The following NEBL variants were observed in gnomAD, a reference collection of about 807,000 sequenced individuals.
NEBL encodes LIM and SH3 protein 2.
NEBL carries 122 observed loss-of-function variants against 140.2 expected under a neutral mutation model. The ratio of observed to expected loss-of-function variants is 0.87; its 90% CI spans 0.75 to 1.01. The LOEUF (loss-of-function observed/expected upper bound fraction) is 1.01. Ranked by LOEUF, NEBL falls within the 50% of genes least tolerant of loss-of-function variation. The pLI, the probability that NEBL is intolerant of heterozygous loss-of-function variation, is 0.00. For missense variants in NEBL, 1,365 were observed against 1,231.3 expected, an observed-to-expected ratio of 1.11 and a Z score of -1.62; for synonymous variants, 436 against 398.9, an observed-to-expected ratio of 1.09 and a Z score of -1.11.
At chr10:20,947,708 C>G (rs1835248244) in intron 4 of NEBL, among the ~76,000 whole-genome samples, 1 of 151,876 alleles carries the variant, frequency 6.6e-6, no homozygotes, top group Non-Finnish European at 1.5e-5. Flanking sequence ...CACACACACA[C>G]ACACACACAG....
chr10:21,221,435 G>A (rs1842065611), intron 3 of NEBL, among the ~76,000 whole-genome samples: 1 of 152,144 alleles, frequency 6.6e-6, no homozygotes, highest in Non-Finnish European at 1.5e-5. Flanking sequence ...ACGTAAGTCA[G>A]CCTTCATCTT....
At chr10:21,089,135 T>A (rs577589903) in intron 2 of NEBL, among the ~76,000 whole-genome samples, 2 of 152,094 alleles carry the variant, frequency 1.3e-5, no homozygotes, top group South Asian at 4.2e-4. Flanking sequence ...GAAGAAGCAG[T>A]GAAAGAGGAC....
intron 5 of NEBL, among the ~76,000 whole-genome samples, chr10:20,874,860 C>T (rs915673832): frequency 6.6e-6 from 1 of 152,132 alleles, no homozygotes; most frequent in African/African-American, 2.4e-5. Context: ...CTGTCTTAGC[C>T]TCCTGAGTAG....
chr10:20,804,718 T>C (rs1837446877), intron 26 of NEBL: 1 of 152,102 alleles, frequency 6.6e-6, no homozygotes, highest in African/African-American at 2.4e-5. Context: ...GGACCAGAAA[T>C]GGTGAGAGTG....
At position 20,979,815 on chromosome 10, in the gene NEBL, T is replaced by G. The variant is rs1311839823; in HGVS notation, c.250-18036A>C. 2.0e-5 allele frequency among the ~76,000 whole-genome samples: 3 copies of G among 152,114 alleles called. No homozygotes were observed. In the South Asian group the frequency reaches 6.2e-4, roughly 31 times the overall value. ...TCTAACTCTTGTGCTCAAGCAATCC[T>G]CCTACCTCAGCCTCCTGAGTAGCTG... is the stretch of plus-strand genomic sequence containing the variant. On this transcript the variant is annotated intron_variant, in intron 3 of 6. Coordinates refer to the NEBL transcript ENST00000417816.
intron 3 of NEBL, among the ~76,000 whole-genome samples, chr10:21,184,936 A>G (rs1246226113): frequency 6.6e-6 from 1 of 152,104 alleles, no homozygotes; most frequent in East Asian, 1.9e-4. Flanking sequence ...TGTTTTCCAA[A>G]TTTTCTACAA....
At chr10:21,132,526 T>C (rs997729720) in intron 2 of NEBL, among the ~76,000 whole-genome samples, 33 of 152,322 alleles carry the variant, frequency 2.2e-4, no homozygotes, top group Admixed American at 1.0e-3. Flanking sequence ...CTGGATCATA[T>C]GGTAATTCTT....
At chr10:21,063,719 C>G (rs1835400356) in intron 2 of NEBL, among the ~76,000 whole-genome samples, 1 of 151,954 alleles carries the variant, frequency 6.6e-6, no homozygotes, top group Non-Finnish European at 1.5e-5. Context: ...CATGGTGAAA[C>G]CCCAGTTCTA....
At chr10:21,269,328 T>C (rs1163777101) in intron 1 of NEBL, among the ~76,000 whole-genome samples, 1 of 152,158 alleles carries the variant, frequency 6.6e-6, no homozygotes. Context: ...AGAGTGCAAA[T>C]GAACATGCCT....
intron 3 of NEBL, among the ~76,000 whole-genome samples, chr10:20,975,560 C>T (rs1285996923): frequency 2.0e-5 from 3 of 152,032 alleles, no homozygotes; most frequent in Admixed American, 2.0e-4. Flanking sequence ...TAAACTCAAA[C>T]AAAACTACCC....
intron 3 of NEBL, among the ~76,000 whole-genome samples, chr10:21,212,630 C>G (rs2132236691): frequency 6.6e-6 from 1 of 152,280 alleles, no homozygotes. Context: ...GTTGGATGAC[C>G]AGGGACATCT....
intron 20 of NEBL, 131 bp from the exon 21 acceptor site, chr10:20,817,823 C>T (rs192271876): frequency 1.0e-3 from 777 of 762,032 alleles, no homozygotes; most frequent in Non-Finnish European, 1.5e-3. Context: ...TCAACCTTCA[C>T]GCTTACATAT....
At position 20,897,247 on chromosome 10, in the gene NEBL, G is replaced by A. The variant is rs1247464168; in HGVS notation, c.-42C>T. ...ATTTATATTTTTAAAATTTACTCAT[G>A]TGGCGTCCTTTTCCATACCACAGTG... On this transcript the variant is annotated 5_prime_UTR_variant, in exon 1 of 28. Transcript: ENST00000377122. 6.5e-7 allele frequency: 1 copy of A among 1,534,894 alleles called. No individual in the cohort carries two copies. The highest frequency in any genetic ancestry group is 1.2e-5 in the South Asian group (1 of 81,240).
chr10:21,167,425 A>G (rs1840825910), intron 2 of NEBL, among the ~76,000 whole-genome samples: 1 of 152,230 alleles, frequency 6.6e-6, no homozygotes, highest in Non-Finnish European at 1.5e-5. Flanking sequence ...TCTGTGAATA[A>G]TGTTCAGCCG....
At position 21,235,297 on chromosome 10, in the gene NEBL, T is replaced by TA. The variant is rs201546139; in HGVS notation, n.348+12623dup. Among the ~76,000 whole-genome samples the TA allele has an allele frequency of 4.3e-4, 65 of 150,986 alleles. 1 individual carries two copies. In the East Asian group the frequency reaches 7.4e-3, roughly 17 times the overall value. On this transcript the variant is annotated intron_variant and non_coding_transcript_variant, in intron 3 of 8. Transcript: ENST00000675702. ...GATGACAGAGTGAGACCCTATCTCT[T>TA]AAAAAAAAATCCAAATGTTAAAAAA... is the stretch of plus-strand genomic sequence containing the variant.
chr10:21,076,871 A>G (rs1036084147), intron 2 of NEBL, among the ~76,000 whole-genome samples: 1 of 152,184 alleles, frequency 6.6e-6, no homozygotes, highest in Non-Finnish European at 1.5e-5. Context: ...AAGAAGATAG[A>G]CAAATGGCCA....
chr10:20,875,677 A>T (rs1258756166), intron 5 of NEBL, among the ~76,000 whole-genome samples: 1 of 152,124 alleles, frequency 6.6e-6, no homozygotes, highest in Non-Finnish European at 1.5e-5. Context: ...TGGAGATGAG[A>T]AGATTGAGAC....
intron 12 of NEBL, among the ~76,000 whole-genome samples, chr10:20,842,068 A>G (rs770997033): frequency 6.6e-6 from 1 of 152,106 alleles, no homozygotes; most frequent in Non-Finnish European, 1.5e-5. Flanking sequence ...TTAACTTGCC[A>G]GATGAAAGAT....
At chr10:21,053,061 TG>T (rs1247258398) in intron 2 of NEBL, among the ~76,000 whole-genome samples, 2 of 152,190 alleles carry the variant, frequency 1.3e-5, no homozygotes, top group Non-Finnish European at 2.9e-5. Context: ...CCTAATGCCT[TG>T]ATTTGATCAC....
Sources: gnomAD v4.1 joint callset for allele counts (sites outside exome capture counted in the v4.1 genomes callset) on GRCh38, gnomAD v4.1.1 for gene constraint, MANE v1.5 for transcripts, NCBI Gene and HGNC (gene_info 2026-07-23, HGNC 2026-07-21) for gene names.